Variants in ENOX1 observed in about 807,000 individuals in gnomAD.
ENOX1 encodes candidate growth-related and time keeping constitutive hydroquinone (NADH) oxidase.
ENOX1 carries 42 observed loss-of-function variants against 82.5 expected under a neutral mutation model. The observed-to-expected ratio is 0.51, with a 90% CI of 0.40 to 0.66. The LOEUF is 0.66. Among genes scored for constraint, ENOX1 ranks in the 30% least tolerant of loss-of-function variants. The pLI is 0.00. For synonymous variants in ENOX1, 271 were observed against 282.2 expected (o/e 0.96, Z 0.40); for missense variants, 608 against 811.6 (o/e 0.75, Z 3.05).
intron 1 of ENOX1, among the ~76,000 whole-genome samples, chr13:43,776,784 C>T (rs751220010): frequency 1.3e-5 from 2 of 150,676 alleles, no homozygotes; most frequent in African/African-American, 4.9e-5. Flanking sequence ...GTGCTACAGA[C>T]GTGAATTCCC....
intron 1 of ENOX1, among the ~76,000 whole-genome samples, chr13:43,704,678 T>A (rs2087137042): frequency 6.6e-6 from 1 of 152,150 alleles, no homozygotes; most frequent in Non-Finnish European, 1.5e-5. Flanking sequence ...AATCCCGCAT[T>A]TAAATCCTTG....
intron 1 of ENOX1, among the ~76,000 whole-genome samples, chr13:43,726,166 AC>A (rs2088939564): frequency 6.6e-6 from 1 of 152,046 alleles, no homozygotes; most frequent in Non-Finnish European, 1.5e-5. Flanking sequence ...CACCAAAAAA[AC>A]AAAACTTTAA....
intron 2 of ENOX1, among the ~76,000 whole-genome samples, chr13:43,599,387 G>A (rs1271869749): frequency 6.6e-6 from 1 of 151,850 alleles, no homozygotes; most frequent in Non-Finnish European, 1.5e-5. Context: ...CAGTGATAGT[G>A]GGACTTTGCA....
In ENOX1 at chr13:43,559,824, G is replaced by C. The variant is rs2079592500; in HGVS notation, c.-218-75672C>G. ...ACCTCGAGGAAAAAATATCTATTTT[G>C]GTGGGCTAAGTAACTTTTGGAAAAG... is the stretch of plus-strand genomic sequence containing the variant. On this transcript the variant is annotated intron_variant, in intron 2 of 16. Coordinates refer to ENST00000690772, the MANE Select transcript of ENOX1 (RefSeq NM_001347969.2). Among the ~76,000 whole-genome samples, 4 of 152,078 alleles carry C rather than the reference G, an allele frequency of 2.6e-5. No individual in the cohort carries two copies. In the South Asian group the frequency reaches 8.3e-4, roughly 32 times the overall value.
chr13:43,781,565 G>A (rs1046517011), intron 1 of ENOX1, among the ~76,000 whole-genome samples: 1 of 151,884 alleles, frequency 6.6e-6, no homozygotes, highest in Non-Finnish European at 1.5e-5. Context: ...CCAGGCTGGA[G>A]TGCAATGGCG....
At chr13:43,771,911 C>T (rs904051118) in intron 1 of ENOX1, among the ~76,000 whole-genome samples, 2 of 149,910 alleles carry the variant, frequency 1.3e-5, no homozygotes, top group Non-Finnish European at 3.0e-5. Flanking sequence ...AATACAGGCG[C>T]GTCTGCCACC....
At chr13:43,416,094 G>GGCCAGGCAGA (rs2054493214) in intron 3 of ENOX1, among the ~76,000 whole-genome samples, 1 of 64,796 alleles carries the variant, frequency 1.5e-5, no homozygotes, top group Admixed American at 1.6e-4. Flanking sequence ...CAGACGGGGC[G>GGCCAGGCAGA]GATGGGCAGA....
rs558702403 is a variant in ENOX1, at chr13:43,607,836, G to A, written c.-219+59643C>T. On this transcript the variant is annotated intron_variant, in intron 2 of 16. Transcript: ENST00000690772. ...CTTCAGAGGTATGTGTTAGGCATGG[G>A]TAGATATAAGGATTCTCTGATAAAA... is the stretch of plus-strand genomic sequence containing the variant. 5.2e-4 allele frequency among the ~76,000 whole-genome samples: 79 copies of A among 152,280 alleles called. 1 individual carries two copies. The South Asian group carries it at 0.015, about 30-fold the overall frequency.
intron 2 of ENOX1, among the ~76,000 whole-genome samples, chr13:43,594,320 G>A (rs1254923564): frequency 6.6e-6 from 1 of 152,154 alleles, no homozygotes; most frequent in Non-Finnish European, 1.5e-5. Flanking sequence ...GTAATAGTGT[G>A]AATAAAGATT....
chr13:43,338,028 A>G (rs1205921311), intron 9 of ENOX1, among the ~76,000 whole-genome samples: 1 of 152,158 alleles, frequency 6.6e-6, no homozygotes, highest in East Asian at 1.9e-4. Flanking sequence ...TGGCTTTCCC[A>G]TTTGCCTTTT....
chr13:43,299,631 G>T (rs1197510170), intron 11 of ENOX1, among the ~76,000 whole-genome samples: 1 of 152,112 alleles, frequency 6.6e-6, no homozygotes, highest in African/African-American at 2.4e-5. Flanking sequence ...CATGTGTTTA[G>T]TTCTTACCAG....
At chr13:43,485,602 G>T (rs550812827) in intron 2 of ENOX1, among the ~76,000 whole-genome samples, 23 of 152,286 alleles carry the variant, frequency 1.5e-4, no homozygotes, top group Admixed American at 3.3e-4. Flanking sequence ...AAAGGAAAAA[G>T]AACAGAGGAA....
intron 1 of ENOX1, among the ~76,000 whole-genome samples, chr13:43,764,914 C>T (rs1951182330): frequency 1.3e-5 from 2 of 152,264 alleles, no homozygotes; most frequent in African/African-American, 2.4e-5. Context: ...ATCTGTGAGC[C>T]CTCTAAACTA....
intron 2 of ENOX1, among the ~76,000 whole-genome samples, chr13:43,561,872 T>C (rs770997348): frequency 4.6e-5 from 7 of 151,720 alleles, no homozygotes; most frequent in East Asian, 3.9e-4. Flanking sequence ...ACCAGGTACT[T>C]GGGACACTGA....
At chr13:43,402,945 G>A (rs959434340) in intron 5 of ENOX1, among the ~76,000 whole-genome samples, 1 of 152,124 alleles carries the variant, frequency 6.6e-6, no homozygotes, top group Admixed American at 6.6e-5. Flanking sequence ...TTATTGGGCT[G>A]TTAAAGATAC....
intron 2 of ENOX1, among the ~76,000 whole-genome samples, chr13:43,646,239 C>G (rs2083888666): frequency 6.6e-6 from 1 of 152,226 alleles, no homozygotes; most frequent in East Asian, 1.9e-4. Context: ...AGTTTCGTGT[C>G]TTCTGCGAGC....
At chr13:43,682,200 C>G (rs1212174661) in intron 1 of ENOX1, among the ~76,000 whole-genome samples, 4 of 152,254 alleles carry the variant, frequency 2.6e-5, no homozygotes, top group South Asian at 4.1e-4. Flanking sequence ...TGCTTATACT[C>G]TCCCCATTTC....
At chr13:43,215,710 G>A (rs1566254730) in intron 16 of ENOX1, among the ~76,000 whole-genome samples, 1 of 152,292 alleles carries the variant, frequency 6.6e-6, no homozygotes, top group South Asian at 2.1e-4. Context: ...CAACAGCCAG[G>A]GGTGAACAAC....
chr13:43,563,233 G>A (rs907933884), intron 2 of ENOX1, among the ~76,000 whole-genome samples: 1 of 151,924 alleles, frequency 6.6e-6, no homozygotes, highest in Non-Finnish European at 1.5e-5. Context: ...AACAACAAGA[G>A]GAATTTTGGA....
Sources: allele counts gnomAD v4.1 joint callset (sites outside exome capture counted in the v4.1 genomes callset), GRCh38; gene constraint gnomAD v4.1.1; transcripts MANE v1.5; gene names NCBI Gene and HGNC (gene_info 2026-07-23, HGNC 2026-07-21).